NAA38: variants seen among roughly 807,000 people sequenced by gnomAD.
NAA38 encodes the protein LSM domain containing 1.
In NAA38, 15 loss-of-function variants were observed where a neutral mutation model predicts 12.6. The observed-to-expected ratio is 1.19, with a 90% CI of 0.79 to 1.83. The LOEUF (loss-of-function observed/expected upper bound fraction) is 1.83, where lower values mean the gene tolerates loss of function less well. NAA38 is among the 40% of genes most tolerant of loss of function. NAA38 has a pLI of 0.00. For missense variants in NAA38, 183 were observed against 171.7 expected (o/e 1.07, Z -0.37); for synonymous variants, 88 against 69.9 (o/e 1.26, Z -1.29).
At chr17:7,867,315 T>C (rs1967003934) in intron 2 of NAA38, among the ~76,000 whole-genome samples, 1 of 134,940 alleles carries the variant, frequency 7.4e-6, no homozygotes, top group African/African-American at 2.8e-5. Flanking sequence ...CACCCTTTTA[T>C]AGTGTACAGA....
At chr17:7,884,059 T>C (rs1216960754) in intron 1 of NAA38, among the ~76,000 whole-genome samples, 1 of 118,070 alleles carries the variant, frequency 8.5e-6, no homozygotes, top group Non-Finnish European at 1.8e-5. Flanking sequence ...CAGAAATCCT[T>C]CATGCCCCCC....
chr17:7,879,181 C>T (rs1967227136), intron 2 of NAA38, among the ~76,000 whole-genome samples: 1 of 152,142 alleles, frequency 6.6e-6, no homozygotes, highest in South Asian at 2.1e-4. Flanking sequence ...TAGGTCTAGA[C>T]TATCCTGAGT....
rs777906620 is a variant in NAA38 at position 7,857,376 on chromosome 17, T to C, written c.81+7A>G. 16 of 1,612,336 alleles carry C rather than the reference T, an allele frequency of 9.9e-6. No homozygotes were observed. The highest frequency in any genetic ancestry group is 2.2e-5 in the East Asian group (1 of 44,782). ...CCCTCAGTCCCAGAACCAGAGCCCG[T>C]GCTAACCCCAGCACTGGAGCTGCTC... is the stretch of plus-strand genomic sequence containing the variant. On this transcript the variant is annotated splice_region_variant and intron_variant, in intron 1 of 2. Transcript: ENST00000575771.
upstream of NAA38, chr17:7,857,878 G>A (rs761226478): frequency 2.2e-6 from 3 of 1,385,960 alleles, no homozygotes; most frequent in Admixed American, 3.0e-5. Flanking sequence ...TCCTGAAAGC[G>A]GCGCAACTCA....
upstream of NAA38, chr17:7,859,026 G>C: frequency 1.8e-6 from 1 of 570,202 alleles, no homozygotes; most frequent in Non-Finnish European, 3.1e-6. Flanking sequence ...GGGGACAAGA[G>C]ACTCCTTTAT....
At chr17:7,856,902 G>A in intron 2 of NAA38, 59 bp from the exon 3 acceptor site, 1 of 1,596,132 alleles carries the variant, frequency 6.3e-7, no homozygotes, top group Non-Finnish European at 8.6e-7. Context: ...GCCCCTCTGA[G>A]CCACGAAAAC....
At chr17:7,858,118 C>G (rs747282033), upstream of NAA38, 6 of 1,612,702 alleles carry the variant, frequency 3.7e-6, no homozygotes, top group East Asian at 1.3e-4. Flanking sequence ...GATCCAGTGA[C>G]CGACAGAGCA....
upstream of NAA38, chr17:7,858,442 A>G: frequency 1.2e-6 from 2 of 1,614,220 alleles, no homozygotes; most frequent in Non-Finnish European, 1.7e-6. Context: ...GTTGCAGGCC[A>G]GGATATCAGC....
intron 2 of NAA38, among the ~76,000 whole-genome samples, chr17:7,879,047 A>G (rs555186728): frequency 6.6e-6 from 1 of 151,840 alleles, no homozygotes; most frequent in South Asian, 2.1e-4. Flanking sequence ...GTAAAAATAT[A>G]TATCAGAAAT....
At chr17:7,870,252 ACT>A (rs1291341767) in intron 2 of NAA38, among the ~76,000 whole-genome samples, 2 of 152,132 alleles carry the variant, frequency 1.3e-5, no homozygotes, top group African/African-American at 4.8e-5. Flanking sequence ...ACAGAGGAAG[ACT>A]CTGTCTTAAA....
intron 2 of NAA38, among the ~76,000 whole-genome samples, chr17:7,872,722 AT>A (rs1967107988): frequency 1.3e-5 from 2 of 152,330 alleles, no homozygotes; most frequent in African/African-American, 4.8e-5. Context: ...AATGGTAAGG[AT>A]CTACCTTTTA....
chr17:7,867,462 C>G (rs1271178383), intron 2 of NAA38, among the ~76,000 whole-genome samples: 1 of 152,052 alleles, frequency 6.6e-6, no homozygotes, highest in Non-Finnish European at 1.5e-5. Context: ...CCTCAGCCTC[C>G]CGAGTAGCTG....
upstream of NAA38, chr17:7,859,686 G>A (rs2078868814): frequency 7.0e-7 from 1 of 1,427,628 alleles, no homozygotes; most frequent in Non-Finnish European, 9.8e-7. Context: ...GAGGAAAAGT[G>A]GTGGGGCCGA....
rs1308451853 is a variant in NAA38 at position 7,857,490 on chromosome 17, T to C, written c.-27A>G. On this transcript the variant is annotated 5_prime_UTR_variant, in exon 1 of 3. Transcript: ENST00000575771. ...TGCCCGGAGGCCTCCTCTGGGCCTTTCAACTTCCTAAGCACCTTTCAGGTT... is the reference window on the plus strand; with the variant it reads ...TGCCCGGAGGCCTCCTCTGGGCCTTCCAACTTCCTAAGCACCTTTCAGGTT... The C allele has an allele frequency of 2.7e-6, 4 of 1,504,122 alleles. No individual in the cohort carries two copies. The African/African-American group carries it at 5.6e-5, about 21-fold the overall frequency. 93.2% of individuals were successfully genotyped at this position (1,504,122 alleles called of 1,614,324 possible).
At chr17:7,875,074 T>TA (rs1199532870) in intron 2 of NAA38, among the ~76,000 whole-genome samples, 1 of 151,532 alleles carries the variant, frequency 6.6e-6, no homozygotes, top group East Asian at 2.0e-4. Flanking sequence ...TGTGTGCCTG[T>TA]AGTCCAGCTA....
At chr17:7,857,699 G>T (rs2078840155), upstream of NAA38, 3 of 1,309,730 alleles carry the variant, frequency 2.3e-6, no homozygotes, top group African/African-American at 3.0e-5. Flanking sequence ...CTTTACCTCT[G>T]GTTTCTTACA....
chr17:7,865,767 T>TAA (rs1966957916), intron 3 of NAA38: 2 of 151,978 alleles, frequency 1.3e-5, no homozygotes, highest in South Asian at 4.2e-4. Context: ...GCACTGGAGG[T>TAA]AAAAGGGGGG....
At chr17:7,858,144 CGG>C, upstream of NAA38, 1 of 1,613,512 alleles carries the variant, frequency 6.2e-7, no homozygotes, top group Non-Finnish European at 8.5e-7. Context: ...CATGCCGCGC[CGG>C]GGCCTGGTGG....
upstream of NAA38, chr17:7,857,704 C>T (rs1037532933): frequency 4.6e-6 from 6 of 1,308,200 alleles, no homozygotes; most frequent in Non-Finnish European, 5.8e-6. Flanking sequence ...CCTCTGGTTT[C>T]TTACACATCC....
Sources: allele counts gnomAD v4.1 joint callset (sites outside exome capture counted in the v4.1 genomes callset), GRCh38; gene constraint gnomAD v4.1.1; transcripts MANE v1.5; gene names NCBI Gene and HGNC (gene_info 2026-07-23, HGNC 2026-07-21).